CYB5R2: variants seen among roughly 807,000 people sequenced by gnomAD.
CYB5R2 encodes cytochrome b5 reductase 2, also known as NADH-cytochrome b5 reductase 2.
In CYB5R2, 35 loss-of-function variants were observed where a neutral mutation model predicts 29.8. That is an observed-to-expected ratio of 1.17 (90% confidence interval 0.90 to 1.56). The LOEUF (loss-of-function observed/expected upper bound fraction) is 1.56. Among genes scored for constraint, CYB5R2 ranks in the 40% most tolerant of loss-of-function variants. CYB5R2 has a pLI of 0.00. For missense variants in CYB5R2, 419 were observed against 346.7 expected, an observed-to-expected ratio of 1.21 and a Z score of -1.66; for synonymous variants, 169 against 130.6, an observed-to-expected ratio of 1.29 and a Z score of -2.01.
At chr11:7,673,565 T>C (rs1855893221), upstream of CYB5R2, 2 of 983,526 alleles carry the variant, frequency 2.0e-6, no homozygotes, top group South Asian at 9.4e-5. Context: ...CCACGACCTC[T>C]CCCCACGCCT....
chr11:7,666,851 T>A, intron 7 of CYB5R2: 5 of 270,550 alleles, frequency 1.8e-5, no homozygotes, highest in Non-Finnish European at 3.6e-5. Context: ...ATGGCTTCAC[T>A]CGGAGCTCCA....
At chr11:7,666,382 G>A in intron 8 of CYB5R2, 69 bp downstream of exon 8, 5 of 986,160 alleles carry the variant, frequency 5.1e-6, no homozygotes, top group African/African-American at 1.6e-5. Context: ...CAAAGAGACA[G>A]AGACCAGTCC....
At chr11:7,671,614 C>T (rs1024156471) in intron 3 of CYB5R2, 2 of 152,304 alleles carry the variant, frequency 1.3e-5, no homozygotes, top group Non-Finnish European at 2.9e-5. Context: ...CTCAGGGGCC[C>T]AGCGAGCTGG....
chr11:7,667,726 A>T lies in CYB5R2; in HGVS notation c.558+2T>A. The T allele has an allele frequency of 6.2e-7, 1 of 1,613,168 alleles. No homozygotes were observed. Among genetic ancestry groups the T allele is most frequent in the Non-Finnish European group, 8.5e-7 (1 of 1,179,104 alleles). On this transcript the variant is annotated splice_donor_variant, in intron 7 of 8. Coordinates refer to ENST00000299498, the MANE Select transcript of CYB5R2 (RefSeq NM_016229.5). LOFTEE classifies it high-confidence loss of function. The stretch of plus-strand genomic sequence containing the variant: ...ACCACTGCAAGCTCAGCAGGAACTG[A>T]CCTGGTTGGCAAAGATGAGGGACAT...
intron 1 of CYB5R2, 162 bp from the exon 2 acceptor site, chr11:7,673,053 G>A (rs1174474362): frequency 7.3e-6 from 5 of 681,424 alleles, no homozygotes; most frequent in East Asian, 3.2e-5. Context: ...GCGGCTGGGA[G>A]AGCCTGTCGT....
chr11:7,668,371 G>C, intron 6 of CYB5R2, 107 bp downstream of exon 6: 1 of 882,294 alleles, frequency 1.1e-6, no homozygotes, highest in Non-Finnish European at 1.9e-6. Context: ...ACCTTCTACA[G>C]CTGGAGGCGA....
chr11:7,667,611 C>G, intron 7 of CYB5R2, 117 bp downstream of exon 7: 2 of 973,088 alleles, frequency 2.1e-6, no homozygotes. Context: ...CCACTAAGCC[C>G]TCCCACAGAT....
chr11:7,668,653 A>G (rs1855518264), intron 5 of CYB5R2, 92 bp from the exon 6 acceptor site: 1 of 1,046,718 alleles, frequency 9.6e-7, no homozygotes. Context: ...CCCAGGAGGC[A>G]CGTCCAGCTA....
rs1384517916 is a variant in CYB5R2 at position 7,666,460 on chromosome 11, G to C, written c.649C>G (p.Pro217Ala). ...QFNLWYTLDR[P>A]PIGWKYSSGF... ...GCAATGGATGTCGTACCAATGGGAG[G>C]CCTGTCCAGGGTGTACCACAGGTTG... Residue 217 changes from proline to alanine, a missense_variant, in exon 8 of 9, where the codon CCT (proline) becomes GCT (alanine). By Grantham distance (27) the Pro-to-Ala change is conservative (BLOSUM62 -1). Coordinates refer to ENST00000299498, the MANE Select transcript of CYB5R2 (RefSeq NM_016229.5). 2 of 1,609,910 alleles carry C rather than the reference G, an allele frequency of 1.2e-6. No homozygotes were observed. The highest frequency in any genetic ancestry group is 1.8e-4 in the Middle Eastern group (1 of 5,638).
At chr11:7,666,949 A>G (rs1855301188) in intron 7 of CYB5R2, 1 of 161,600 alleles carries the variant, frequency 6.2e-6, no homozygotes, top group Non-Finnish European at 1.3e-5. Flanking sequence ...TCTGGAAGAA[A>G]TGTAATGGGC....
At chr11:7,672,669 A>G in intron 2 of CYB5R2, 79 bp downstream of exon 2, 1 of 1,576,280 alleles carries the variant, frequency 6.3e-7, no homozygotes, top group South Asian at 1.1e-5. Flanking sequence ...ACTGGAGGCC[A>G]TGAGATGACT....
At chr11:7,672,941 C>T (rs1334195230) in intron 1 of CYB5R2, 50 bp from the exon 2 acceptor site, 2 of 1,554,998 alleles carry the variant, frequency 1.3e-6, no homozygotes, top group Admixed American at 1.9e-5. Context: ...CCGCCCTGGA[C>T]AGGGCAGCTC....
chr11:7,669,918 G>T, intron 3 of CYB5R2, 187 bp from the exon 4 acceptor site: 1 of 591,834 alleles, frequency 1.7e-6, no homozygotes, highest in Non-Finnish European at 3.0e-6. Flanking sequence ...CTGCCTCCCT[G>T]TGCTACCCTA....
chr11:7,673,850 G>T (rs1695319665), upstream of CYB5R2: 3 of 987,974 alleles, frequency 3.0e-6, no homozygotes, highest in Non-Finnish European at 1.2e-6. Flanking sequence ...ACCCGGACAC[G>T]CACGCCCGGG....
intron 8 of CYB5R2, chr11:7,665,774 GCTGT>G (rs770168778): frequency 3.5e-6 from 5 of 1,439,514 alleles, no homozygotes; most frequent in East Asian, 2.5e-5. Context: ...AAGCCCTGCT[GCTGT>G]CTGTCAGCTG....
rs754144489 is a variant in CYB5R2, at chr11:7,665,354, T to A, written c.*20A>T. ...AACAGATGAAAAGGGACATGCAAAATTGCTGAGCACGTGGAGGTGTTAGTA... is the reference window on the plus strand; with the variant it reads ...AACAGATGAAAAGGGACATGCAAAAATGCTGAGCACGTGGAGGTGTTAGTA... On this transcript the variant is annotated 3_prime_UTR_variant, in exon 9 of 9. Transcript: ENST00000299498. 1 of 1,487,954 alleles carries A rather than the reference T, an allele frequency of 6.7e-7. No homozygotes were observed. The allele number at this position is 1,487,954 out of a possible 1,614,324, so 92.2% of individuals were successfully genotyped here. A position where few individuals can be genotyped will look rare whatever the true frequency, so the allele number is the denominator to read the frequency against.
At chr11:7,665,843 G>A (rs2136104046) in intron 8 of CYB5R2, 1 of 1,535,752 alleles carries the variant, frequency 6.5e-7, no homozygotes, top group Non-Finnish European at 8.7e-7. Context: ...GTGTGAATCA[G>A]TACAGCCAGC....
chr11:7,665,973 T>A, intron 8 of CYB5R2: 1 of 1,475,212 alleles, frequency 6.8e-7, no homozygotes, highest in Non-Finnish European at 9.2e-7. Flanking sequence ...GGGAGCAGTG[T>A]GAGAGGCGCG....
Position 7,665,515 on chromosome 11 carries a change from G to T in CYB5R2, c.690C>A (p.Ala230=). The T allele has an allele frequency of 5.6e-6, 9 of 1,612,460 alleles. No homozygotes were observed. The highest frequency in any genetic ancestry group is 7.6e-6 in the Non-Finnish European group (9 of 1,179,332). ...GAGGAAGGTGCTCCTTGATCATGTCGGCAGTAACGAAGCCTGAGCTGTACT... is the reference window on the plus strand; with the variant it reads ...GAGGAAGGTGCTCCTTGATCATGTCTGCAGTAACGAAGCCTGAGCTGTACT... ...GWKYSSGFVT[A]DMIKEHLPPP... Residue 230 remains alanine, a synonymous_variant, in exon 9 of 9, where the codon GCC becomes GCA. Transcript: ENST00000299498.
Sources: allele counts gnomAD v4.1 joint callset, GRCh38; gene constraint gnomAD v4.1.1; transcripts MANE v1.5; gene names NCBI Gene and HGNC (gene_info 2026-07-23, HGNC 2026-07-21).